FAAH2: variants seen among roughly 807,000 people sequenced by gnomAD.
FAAH2 encodes the protein fatty-acid amide hydrolase 2.
In FAAH2, 60 loss-of-function variants were observed where a neutral mutation model predicts 36.9. The observed-to-expected ratio is 1.63, with a 90% CI of 1.32 to 2.02. FAAH2 has a LOEUF of 2.02. Among genes scored for constraint, FAAH2 ranks in the 30% most tolerant of loss-of-function variants. FAAH2 has a pLI of 0.00. For missense variants in FAAH2, 689 were observed against 397.5 expected, an observed-to-expected ratio of 1.73 and a Z score of -6.23; for synonymous variants, 214 against 143.8, an observed-to-expected ratio of 1.49 and a Z score of -3.49.
intron 7 of FAAH2, among the ~76,000 whole-genome samples, chrX:57,382,310 A>G (rs778600675): frequency 4.7e-4 from 53 of 111,806 alleles, no homozygotes; most frequent in South Asian, 1.9e-3. Flanking sequence ...GCAGAAGGCA[A>G]GAAATAACTA....
chrX:57,324,056 T>C (rs1469270842), intron 3 of FAAH2, among the ~76,000 whole-genome samples: 10 of 112,164 alleles, frequency 8.9e-5, no homozygotes, highest in Non-Finnish European at 1.7e-4. Flanking sequence ...GCTTTCTGCT[T>C]ATGGCTAGCC....
the FAAH2 span, among the ~76,000 whole-genome samples, chrX:57,221,682 A>T: frequency 9.0e-6 from 1 of 110,901 alleles, no homozygotes; most frequent in East Asian, 2.8e-4. Context: ...TACTTTCCAC[A>T]ATTCCCTCCG....
chrX:57,121,724 C>G, the FAAH2 span: 1 of 112,085 alleles, frequency 8.9e-6, no homozygotes, highest in African/African-American at 3.2e-5. Flanking sequence ...CACAGTCGTC[C>G]TCGGAACCCT....
intron 8 of FAAH2, among the ~76,000 whole-genome samples, chrX:57,436,160 G>A (rs2056405852): frequency 9.0e-6 from 1 of 110,745 alleles, no homozygotes; most frequent in Non-Finnish European, 1.9e-5. Flanking sequence ...AGCAATTTTT[G>A]AAACAAATGA....
Position 57,330,266 on chromosome X carries a change from C to T in FAAH2, c.413-1332C>T, listed in dbSNP as rs190420758. 9.3e-3 allele frequency among the ~76,000 whole-genome samples: 1,038 copies of T among 111,672 alleles called. 8 individuals are homozygous for T. The highest frequency in any genetic ancestry group is 0.023 in the Middle Eastern group (5 of 217). On this transcript the variant is annotated intron_variant, in intron 3 of 10. Coordinates refer to ENST00000374900, the MANE Select transcript of FAAH2 (RefSeq NM_174912.4). The stretch of plus-strand genomic sequence containing the variant: ...AGGAACATCCCTGAGAAAGAGAATG[C>T]GCCCCAAGGGTGGGTCTCTAAAATG...
intron 7 of FAAH2, chrX:57,393,471 C>T: frequency 1.1e-6 from 1 of 929,881 alleles, no homozygotes; most frequent in Middle Eastern, 2.6e-4. Flanking sequence ...TCTGGGCCAA[C>T]AAGCTAGAGT....
intron 7 of FAAH2, chrX:57,392,919 A>G (rs1324467916): frequency 1.2e-6 from 1 of 866,811 alleles, no homozygotes. Flanking sequence ...TTGAGCTTTG[A>G]GGAGTAATTC....
intron 5 of FAAH2, among the ~76,000 whole-genome samples, chrX:57,353,746 A>T (rs1352673250): frequency 2.7e-5 from 3 of 111,128 alleles, no homozygotes; most frequent in African/African-American, 9.7e-5. Context: ...TAACAAGCTC[A>T]ACTCAACAAT....
At chrX:57,343,338 T>C (rs1569276192) in intron 5 of FAAH2, among the ~76,000 whole-genome samples, 1 of 112,119 alleles carries the variant, frequency 8.9e-6, no homozygotes, top group Admixed American at 9.5e-5. Context: ...CAGTATCTCA[T>C]TGTGGTCTTT....
intron 1 of FAAH2, among the ~76,000 whole-genome samples, chrX:57,287,536 T>C (rs2051844170): frequency 8.9e-6 from 1 of 112,337 alleles, no homozygotes; most frequent in African/African-American, 3.2e-5. Flanking sequence ...TCTGCCTGGG[T>C]ACTTAAACAT....
intron 3 of FAAH2, among the ~76,000 whole-genome samples, chrX:57,317,901 T>G (rs1467423262): frequency 8.9e-6 from 1 of 111,741 alleles, no homozygotes; most frequent in Non-Finnish European, 1.9e-5. Context: ...CTGAACAATC[T>G]GCTCCTGAAT....
At chrX:57,452,178 C>T in intron 10 of FAAH2, 1 of 754,187 alleles carries the variant, frequency 1.3e-6, no homozygotes. Flanking sequence ...CTGAGATGAA[C>T]AGCATTGGCC....
chrX:57,171,372 A>G, the FAAH2 span, among the ~76,000 whole-genome samples: 1 of 112,171 alleles, frequency 8.9e-6, no homozygotes, highest in Non-Finnish European at 1.9e-5. Context: ...TTACATTCCC[A>G]CTAGCAGTAT....
At chrX:57,363,921 A>T (rs2054345629) in intron 5 of FAAH2, among the ~76,000 whole-genome samples, 1 of 108,087 alleles carries the variant, frequency 9.3e-6, no homozygotes, top group Non-Finnish European at 1.9e-5. Flanking sequence ...GACATTAATT[A>T]CCTTCTTTAT....
chrX:57,261,288 C>A, the FAAH2 span, among the ~76,000 whole-genome samples: 1 of 110,636 alleles, frequency 9.0e-6, no homozygotes, highest in East Asian at 2.8e-4. Context: ...TATATTTGGC[C>A]AGATCTGTAA....
intron 3 of FAAH2, among the ~76,000 whole-genome samples, chrX:57,322,329 C>T (rs1005770086): frequency 4.5e-5 from 5 of 111,690 alleles, no homozygotes; most frequent in South Asian, 3.6e-4. Context: ...TGTAGGTCCC[C>T]GATCTCTTCT....
intron 7 of FAAH2, 130 bp downstream of exon 7, chrX:57,381,159 C>G (rs758382891): frequency 1.2e-4 from 51 of 427,845 alleles, no homozygotes; most frequent in African/African-American, 1.1e-3. Context: ...AACAGTTATA[C>G]TAAGGAATTT....
intron 10 of FAAH2, among the ~76,000 whole-genome samples, chrX:57,456,322 G>A (rs1310336920): frequency 1.8e-5 from 2 of 111,719 alleles, no homozygotes; most frequent in African/African-American, 6.5e-5. Flanking sequence ...AATTTGTAGT[G>A]CTAAACACCT....
the FAAH2 span, among the ~76,000 whole-genome samples, chrX:57,124,683 G>T: frequency 9.0e-6 from 1 of 111,416 alleles, no homozygotes; most frequent in African/African-American, 3.3e-5. Context: ...ATTTCCTTGT[G>T]CAGTGGTTTG....
Sources: allele counts gnomAD v4.1 joint callset (sites outside exome capture counted in the v4.1 genomes callset), GRCh38; gene constraint gnomAD v4.1.1; transcripts MANE v1.5; gene names NCBI Gene and HGNC (gene_info 2026-07-23, HGNC 2026-07-21).